Variants in NRG3 observed in about 807,000 individuals in gnomAD.
NRG3 encodes neuregulin 3.
Under a neutral mutation model 66.9 loss-of-function variants are expected in NRG3, and 31 were observed. The observed-to-expected ratio is 0.46, with a 90% CI of 0.35 to 0.63. The LOEUF is 0.63. Ranked by LOEUF, NRG3 falls within the 20% of genes least tolerant of loss-of-function variation. The pLI is 0.00. For synonymous variants in NRG3, 393 were observed against 359.4 expected, an observed-to-expected ratio of 1.09 and a Z score of -1.06; for missense variants, 910 against 878.9, an observed-to-expected ratio of 1.04 and a Z score of -0.45.
At chr10:82,044,925 C>T (rs1305234006) in intron 1 of NRG3, among the ~76,000 whole-genome samples, 3 of 151,772 alleles carry the variant, frequency 2.0e-5, no homozygotes, top group Non-Finnish European at 4.4e-5. Flanking sequence ...CATAATATTC[C>T]ATGGTGTACA....
chr10:82,454,526 A>G (rs1356784445), intron 2 of NRG3, among the ~76,000 whole-genome samples: 2 of 152,240 alleles, frequency 1.3e-5, no homozygotes, highest in Non-Finnish European at 2.9e-5. Context: ...AGTGTAAAAT[A>G]TAATGTATTA....
At chr10:82,094,320 A>G (rs1590084006) in intron 1 of NRG3, among the ~76,000 whole-genome samples, 1 of 152,214 alleles carries the variant, frequency 6.6e-6, no homozygotes, top group Non-Finnish European at 1.5e-5. Context: ...CAGAATGACT[A>G]TTATTAAAAA....
intron 2 of NRG3, among the ~76,000 whole-genome samples, chr10:82,714,849 C>T (rs959859476): frequency 2.6e-5 from 4 of 152,146 alleles, no homozygotes; most frequent in Non-Finnish European, 4.4e-5. Context: ...GAAAAGTCCA[C>T]ATCTATTGAT....
Position 82,358,745 on chromosome 10 carries a change from C to T in NRG3, c.830C>T (p.Thr277Met), listed in dbSNP as rs753131620. The T allele has an allele frequency of 5.6e-6, 9 of 1,614,096 alleles. No individual in the cohort carries two copies. Among genetic ancestry groups the T allele is most frequent in the South Asian group, 2.2e-5 (2 of 91,078 alleles). The change falls in exon 2 of 9, where the codon ACG (threonine) becomes ATG (methionine). Residue 277 changes from threonine (T) to methionine (M), a missense_variant. Physicochemically the swap from Thr to Met is moderately conservative, Grantham distance 81. Coordinates refer to ENST00000372141, the MANE Select transcript of NRG3 (RefSeq NM_001010848.4). The part of the protein sequence containing the change: ...ETSTSPKFHT[T>M]TYSTERSEHF... ...CCTGTGCTTTCCCTGACAGATACGA[C>T]GACATATTCCACAGAGCGATCCGAG...
At chr10:82,334,889 A>G (rs2082311703) in intron 1 of NRG3, among the ~76,000 whole-genome samples, 1 of 152,228 alleles carries the variant, frequency 6.6e-6, no homozygotes, top group Admixed American at 6.5e-5. Flanking sequence ...ACCAAAACAA[A>G]AAAAATAATG....
chr10:82,918,002 G>C (rs1284076880), intron 4 of NRG3, among the ~76,000 whole-genome samples: 7,853 of 115,554 alleles, frequency 0.068, 362 homozygotes, highest in Admixed American at 0.15. Flanking sequence ...ATGTATGTAT[G>C]TATCTCTCTC....
At chr10:82,299,009 G>A (rs544629953) in intron 1 of NRG3, among the ~76,000 whole-genome samples, 1 of 152,234 alleles carries the variant, frequency 6.6e-6, no homozygotes, top group South Asian at 2.1e-4. Flanking sequence ...TCAGAGAGAT[G>A]GAGGCTTCCA....
chr10:82,576,280 A>G (rs776497559), intron 2 of NRG3, among the ~76,000 whole-genome samples: 10 of 151,332 alleles, frequency 6.6e-5, no homozygotes, highest in Non-Finnish European at 1.3e-4. Flanking sequence ...GGGACACCTT[A>G]TCTTTTTGCT....
intron 1 of NRG3, among the ~76,000 whole-genome samples, chr10:82,161,373 T>C (rs1033264392): frequency 3.9e-5 from 6 of 152,116 alleles, no homozygotes; most frequent in African/African-American, 1.4e-4. Flanking sequence ...GTTCCAACTT[T>C]AAGGAGCATG....
intron 3 of NRG3, among the ~76,000 whole-genome samples, chr10:82,798,880 C>T (rs935459007): frequency 2.9e-4 from 44 of 152,158 alleles, no homozygotes; most frequent in African/African-American, 7.7e-4. Flanking sequence ...ATCTCGGACC[C>T]CTTGGGATAT....
At position 82,399,325 on chromosome 10, in the gene NRG3, A is replaced by G. The variant is rs557849146; in HGVS notation, c.953+40457A>G. Reference sequence around the variant, plus strand: ...GGCACATGTAAATAAATAAAAGTATAATACAAAATATCTTTCTTAAGATGT... The same window carrying G: ...GGCACATGTAAATAAATAAAAGTATGATACAAAATATCTTTCTTAAGATGT... On this transcript the variant is annotated intron_variant, in intron 2 of 8. Transcript: ENST00000372141. Among the ~76,000 whole-genome samples, 18 of 152,330 alleles carry G rather than the reference A, an allele frequency of 1.2e-4. No individual in the cohort carries two copies. In the East Asian group the frequency reaches 3.3e-3, roughly 28 times the overall value.
intron 2 of NRG3, among the ~76,000 whole-genome samples, chr10:82,530,011 G>A (rs1847104135): frequency 6.6e-6 from 1 of 152,134 alleles, no homozygotes; most frequent in Non-Finnish European, 1.5e-5. Context: ...GAGAAAGCCA[G>A]TTAAGGCCAA....
chr10:82,820,291 T>C (rs2061893974), intron 3 of NRG3, among the ~76,000 whole-genome samples: 1 of 152,220 alleles, frequency 6.6e-6, no homozygotes, highest in African/African-American at 2.4e-5. Context: ...GCTGTGAGGA[T>C]TAGGTGAAAT....
chr10:82,299,575 GT>G (rs1464063795), intron 1 of NRG3, among the ~76,000 whole-genome samples: 2 of 150,466 alleles, frequency 1.3e-5, no homozygotes, highest in African/African-American at 4.9e-5. Flanking sequence ...GTTGTTGTTA[GT>G]TTGTTTTGTT....
intron 2 of NRG3, among the ~76,000 whole-genome samples, chr10:82,675,429 G>A (rs1038455704): frequency 6.6e-6 from 1 of 152,146 alleles, no homozygotes. Flanking sequence ...GTGAAGCCAG[G>A]TGTCAGACAT....
chr10:82,704,089 G>C (rs1278245638), intron 2 of NRG3, among the ~76,000 whole-genome samples: 2 of 151,874 alleles, frequency 1.3e-5, no homozygotes, highest in Admixed American at 1.3e-4. Context: ...GAAAAAAAAA[G>C]ACCTACAAAA....
chr10:82,984,699 G>T, intron 8 of NRG3: 1 of 1,394,412 alleles, frequency 7.2e-7, no homozygotes, highest in South Asian at 1.3e-5. Context: ...TGATGGAGTG[G>T]ACTAATGCCA....
intron 1 of NRG3, among the ~76,000 whole-genome samples, chr10:82,088,847 G>C (rs2065871749): frequency 6.6e-6 from 1 of 152,020 alleles, no homozygotes; most frequent in Non-Finnish European, 1.5e-5. Flanking sequence ...TTTACGTTTT[G>C]ACTTGAAGTG....
intron 1 of NRG3, among the ~76,000 whole-genome samples, chr10:82,346,902 G>T (rs12266017): frequency 6.6e-6 from 1 of 151,756 alleles, no homozygotes; most frequent in Non-Finnish European, 1.5e-5. Flanking sequence ...CTGTGGGATC[G>T]GTGGTGATAT....
Sources: gnomAD v4.1 joint callset for allele counts (sites outside exome capture counted in the v4.1 genomes callset) on GRCh38, gnomAD v4.1.1 for gene constraint, MANE v1.5 for transcripts, NCBI Gene and HGNC (gene_info 2026-07-23, HGNC 2026-07-21) for gene names.